SLC38A8: variants seen among roughly 807,000 people sequenced by gnomAD.
The protein encoded by SLC38A8 is amino acid transporter SLC38A8.
SLC38A8 carries 65 observed loss-of-function variants against 46.0 expected under a neutral mutation model. That is an observed-to-expected ratio of 1.41 (90% CI 1.16 to 1.74). The LOEUF is 1.74. SLC38A8 is among the 40% of genes most tolerant of loss of function. The pLI, the probability that SLC38A8 is intolerant of heterozygous loss-of-function variation, is 0.00. For missense variants in SLC38A8, 998 were observed against 567.9 expected (o/e 1.76, Z -7.70); for synonymous variants, 447 against 243.7 (o/e 1.83, Z -7.77).
At chr16:84,011,000 A>T (rs2084946336) in intron 10 of SLC38A8, among the ~76,000 whole-genome samples, 1 of 152,184 alleles carries the variant, frequency 6.6e-6, no homozygotes, top group African/African-American at 2.4e-5. Flanking sequence ...GGTCAGAGCG[A>T]TAACAAGATT....
At chr16:84,037,559 G>A (rs2085314885) in intron 2 of SLC38A8, among the ~76,000 whole-genome samples, 1 of 152,128 alleles carries the variant, frequency 6.6e-6, no homozygotes, top group African/African-American at 2.4e-5. Flanking sequence ...TCAGGAGTTT[G>A]AGACCAGCCT....
At position 84,033,471 on chromosome 16, in the gene SLC38A8, T is replaced by C. The variant is rs1461945355; in HGVS notation, c.389-2A>G. 3.1e-6 allele frequency: 5 copies of C among 1,596,778 alleles called. No homozygotes were observed. Among genetic ancestry groups the C allele is most frequent in the Admixed American group, 1.7e-5 (1 of 58,262 alleles). ...TGCCAGACAGGAGGGAGTCACACAC[T>C]GCCAGAGACACGGGGAGAGCTGAGC... On this transcript the variant is annotated splice_acceptor_variant, in intron 3 of 10. Transcript: ENST00000299709. LOFTEE classifies it high-confidence loss of function.
Position 84,015,798 on chromosome 16 carries a change from C to G in SLC38A8, c.1162+721G>C, listed in dbSNP as rs181769574. On this transcript the variant is annotated intron_variant, in intron 9 of 10. Coordinates refer to ENST00000299709, the MANE Select transcript of SLC38A8 (RefSeq NM_001080442.3). ...TTGGCTCCCTGCAACCTCCGCCTCC[C>G]GGGTTCAAGTGATTCTCCTGCCTAA... 4.6e-3 allele frequency among the ~76,000 whole-genome samples: 699 copies of G among 152,260 alleles called. 7 individuals carry two copies. The highest frequency in any genetic ancestry group is 0.017 in the African/African-American group (688 of 41,542).
chr16:84,024,658 G>A (rs191525124), intron 6 of SLC38A8, among the ~76,000 whole-genome samples: 1,652 of 152,184 alleles, frequency 0.011, 34 homozygotes, highest in African/African-American at 0.038. Flanking sequence ...GCAAGCACCT[G>A]TAATCCTAGT....
rs372008597 is a variant in SLC38A8, at chr16:84,016,673, G to C, written c.1008C>G (p.Ser336Arg). The C allele has an allele frequency of 6.2e-7, 1 of 1,613,334 alleles. No homozygotes were observed. The highest frequency in any genetic ancestry group is 1.3e-5 in the African/African-American group (1 of 74,932). The change falls in exon 9 of 11, where the codon AGC (serine) becomes AGG (arginine). Residue 336 changes from serine to arginine, a missense_variant. Transcript: ENST00000299709. ...ACAGCCCTGAGGGGTCGGCCAGGGC[G>C]CTGGGCCCCCATCCCCCCAAGCAGC... The part of the protein sequence containing the change: ...RRSCLGGWGP[S>R]ALADPSGLWV...
At chr16:84,031,202 G>C (rs995166669) in intron 5 of SLC38A8, among the ~76,000 whole-genome samples, 5 of 151,882 alleles carry the variant, frequency 3.3e-5, no homozygotes, top group African/African-American at 1.2e-4. Flanking sequence ...ATCACACCTG[G>C]CTGAATTTTA....
intron 7 of SLC38A8, among the ~76,000 whole-genome samples, chr16:84,020,058 G>A (rs1449503313): frequency 6.6e-6 from 1 of 152,152 alleles, no homozygotes; most frequent in African/African-American, 2.4e-5. Context: ...CCCAGTGGCA[G>A]TCCCACTCTC....
At chr16:84,010,163 C>T (rs190729542) in intron 10 of SLC38A8, among the ~76,000 whole-genome samples, 84 of 150,988 alleles carry the variant, frequency 5.6e-4, no homozygotes, top group African/African-American at 1.5e-3. Flanking sequence ...CTCCACCTCC[C>T]GGGTTCAAGC....
intron 7 of SLC38A8, 80 bp downstream of exon 7, chr16:84,022,695 C>A (rs1208444722): frequency 7.1e-6 from 8 of 1,124,200 alleles, no homozygotes; most frequent in Non-Finnish European, 7.9e-6. Flanking sequence ...GTGGTAAACT[C>A]TCTAGAGAGA....
At chr16:84,042,986 C>T (rs1446376550), upstream of SLC38A8, among the ~76,000 whole-genome samples, 2 of 152,140 alleles carry the variant, frequency 1.3e-5, no homozygotes, top group African/African-American at 2.4e-5. Context: ...GCGCCTCCAT[C>T]CTCACATACC....
At position 84,033,517 on chromosome 16, in the gene SLC38A8, G is replaced by A. The variant is rs750212454; in HGVS notation, c.389-48C>T. ...TGAGCCACAGAGTACAAATGCCGTG[G>A]GTTCTCGGCTCCCACCTGGCCCTTC... On this transcript the variant is annotated intron_variant, in intron 3 of 10. Coordinates refer to ENST00000299709, the MANE Select transcript of SLC38A8 (RefSeq NM_001080442.3). 5 of 1,524,610 alleles carry A rather than the reference G, an allele frequency of 3.3e-6. 1 individual carries two copies. The highest frequency in any genetic ancestry group is 2.6e-5 in the South Asian group (2 of 77,460). The allele number at this position is 1,524,610 out of a possible 1,614,324, so 94.4% of individuals were successfully genotyped here.
At chr16:84,022,302 C>T (rs1385900154) in intron 7 of SLC38A8, among the ~76,000 whole-genome samples, 2 of 152,184 alleles carry the variant, frequency 1.3e-5, no homozygotes, top group African/African-American at 4.8e-5. Context: ...TACGATCCTG[C>T]GTGTCACAGC....
chr16:84,019,490 C>T (rs1015383246), intron 7 of SLC38A8, among the ~76,000 whole-genome samples: 5 of 152,254 alleles, frequency 3.3e-5, no homozygotes, highest in Non-Finnish European at 5.9e-5. Context: ...CTGCTCTCGA[C>T]AGCTTCTTAA....
chr16:84,026,472 C>A (rs1464075643), intron 6 of SLC38A8, among the ~76,000 whole-genome samples: 1 of 152,190 alleles, frequency 6.6e-6, no homozygotes, highest in Non-Finnish European at 1.5e-5. Flanking sequence ...GGTGATCCAC[C>A]CGCCTCGGCC....
chr16:84,042,271 T>G, intron 1 of SLC38A8, 112 bp from the exon 2 acceptor site: 2 of 1,195,828 alleles, frequency 1.7e-6, no homozygotes, highest in Non-Finnish European at 2.3e-6. Context: ...GAGCCGCTCC[T>G]GCCCGCTTCC....
intron 4 of SLC38A8, among the ~76,000 whole-genome samples, chr16:84,032,388 C>T (rs1597272354): frequency 6.6e-6 from 1 of 152,166 alleles, no homozygotes; most frequent in South Asian, 2.1e-4. Context: ...AGGGTTTCAC[C>T]GTGTTGGTCA....
intron 7 of SLC38A8, among the ~76,000 whole-genome samples, chr16:84,018,929 C>A (rs1298629018): frequency 6.6e-6 from 1 of 152,038 alleles, no homozygotes; most frequent in Non-Finnish European, 1.5e-5. Context: ...TATTCAGGTC[C>A]ATTGCAGCCA....
At chr16:84,016,795 C>G (rs779465555) in intron 8 of SLC38A8, 68 bp from the exon 9 acceptor site, 31 of 1,507,084 alleles carry the variant, frequency 2.1e-5, no homozygotes, top group Non-Finnish European at 2.6e-5. Flanking sequence ...GACAGCTGCT[C>G]CCCAGTCCTC....
At chr16:84,014,753 C>T (rs894810877) in intron 9 of SLC38A8, among the ~76,000 whole-genome samples, 3 of 152,236 alleles carry the variant, frequency 2.0e-5, no homozygotes, top group Non-Finnish European at 4.4e-5. Context: ...TCTCAAGGGA[C>T]TACATCAAAG....
Sources: gnomAD v4.1 joint callset for allele counts (sites outside exome capture counted in the v4.1 genomes callset) on GRCh38, gnomAD v4.1.1 for gene constraint, MANE v1.5 for transcripts, NCBI Gene and HGNC (gene_info 2026-07-23, HGNC 2026-07-21) for gene names.